The following NOVA1 variants were observed in gnomAD, a reference collection of about 807,000 sequenced individuals.
NOVA1 encodes the protein RNA-binding protein Nova-1.
Under a neutral mutation model 38.0 loss-of-function variants are expected in NOVA1, and 7 were observed. The ratio of observed to expected loss-of-function variants is 0.18; its 90% CI spans 0.10 to 0.35. The LOEUF (loss-of-function observed/expected upper bound fraction) is 0.35, where lower values mean the gene tolerates loss of function less well. NOVA1 is among the 10% of genes least tolerant of loss of function. The pLI, the probability that NOVA1 is intolerant of heterozygous loss-of-function variation, is 1.00. For synonymous variants in NOVA1, 270 were observed against 232.5 expected, an observed-to-expected ratio of 1.16 and a Z score of -1.47; for missense variants, 460 against 616.0, an observed-to-expected ratio of 0.75 and a Z score of 2.68.
chr14:26,587,948 C>T (rs1305277310), intron 2 of NOVA1, among the ~76,000 whole-genome samples: 1 of 150,996 alleles, frequency 6.6e-6, no homozygotes, highest in East Asian at 1.9e-4. Flanking sequence ...TAAATGAAGA[C>T]AATCTTCTTT....
At chr14:26,563,657 T>C (rs533849398) in intron 2 of NOVA1, among the ~76,000 whole-genome samples, 1 of 152,158 alleles carries the variant, frequency 6.6e-6, no homozygotes, top group South Asian at 2.1e-4. Context: ...AATGTGAGAA[T>C]GATGACATAT....
intron 1 of NOVA1, chr14:26,596,812 C>G (rs1332366045): frequency 8.7e-7 from 1 of 1,151,192 alleles, no homozygotes; most frequent in African/African-American, 1.6e-5. Flanking sequence ...CTACTTGTGG[C>G]CCAAAGCAAG....
chr14:26,443,420 C>A lies in NOVA1; in HGVS notation c.*4539G>T, dbSNP rs1298193960. The A allele has an allele frequency of 6.6e-6, 1 of 151,900 alleles. No individual in the cohort carries two copies. The allele number at this position is 151,900 out of a possible 1,614,324, so 9.4% of individuals were successfully genotyped here. The stretch of plus-strand genomic sequence containing the variant: ...ATCTGATTTGATGTACTTTATTATA[C>A]AAGGTAATGCTTCAATTTTCAAGAA... On this transcript the variant is annotated 3_prime_UTR_variant, in exon 5 of 5. Coordinates refer to ENST00000539517, the MANE Select transcript of NOVA1 (RefSeq NM_002515.3).
intron 3 of NOVA1, among the ~76,000 whole-genome samples, chr14:26,473,435 A>G (rs1178890114): frequency 6.6e-6 from 1 of 151,924 alleles, no homozygotes; most frequent in African/African-American, 2.4e-5. Context: ...ACACTTGTAT[A>G]TGGACATTAT....
At chr14:26,464,310 A>T (rs921414584) in intron 4 of NOVA1, among the ~76,000 whole-genome samples, 3 of 152,152 alleles carry the variant, frequency 2.0e-5, no homozygotes, top group African/African-American at 7.2e-5. Flanking sequence ...AGATATCTTT[A>T]GATATACAAA....
chr14:26,546,276 G>T (rs952139489), intron 2 of NOVA1, among the ~76,000 whole-genome samples: 2 of 152,132 alleles, frequency 1.3e-5, no homozygotes, highest in Admixed American at 1.3e-4. Context: ...AGGATAAAAA[G>T]AATTGTCCAC....
intron 4 of NOVA1, among the ~76,000 whole-genome samples, chr14:26,453,736 A>C (rs2138576994): frequency 6.6e-6 from 1 of 152,326 alleles, no homozygotes; most frequent in South Asian, 2.1e-4. Context: ...TTTCTTCATT[A>C]TCATGGCAGA....
At chr14:26,465,626 A>G (rs61990560) in intron 4 of NOVA1, among the ~76,000 whole-genome samples, 4 of 152,280 alleles carry the variant, frequency 2.6e-5, no homozygotes, top group South Asian at 2.1e-4. Context: ...TCATTCAACT[A>G]TAAGTATTCT....
intron 2 of NOVA1, among the ~76,000 whole-genome samples, chr14:26,490,910 C>T (rs192350637): frequency 0.015 from 1,994 of 137,478 alleles, 39 homozygotes; most frequent in African/African-American, 0.05. Flanking sequence ...AGTGCAGTGG[C>T]GCAATCTCGG....
chr14:26,478,127 C>T (rs937455899), intron 3 of NOVA1, among the ~76,000 whole-genome samples: 35 of 151,694 alleles, frequency 2.3e-4, no homozygotes, highest in African/African-American at 8.5e-4. Flanking sequence ...AGTTAAATAA[C>T]ATCCAAAAAG....
chr14:26,499,414 A>T (rs920426721), intron 2 of NOVA1, among the ~76,000 whole-genome samples: 2 of 152,150 alleles, frequency 1.3e-5, no homozygotes, highest in Non-Finnish European at 2.9e-5. Context: ...TGATGCAGCA[A>T]ATTGGTTTTC....
chr14:26,484,689 T>C lies in NOVA1; in HGVS notation c.281-4546A>G, dbSNP rs143816676. 4.8e-4 allele frequency among the ~76,000 whole-genome samples: 73 copies of C among 152,224 alleles called. No individual in the cohort carries two copies. In the Middle Eastern group the frequency reaches 0.01, roughly 21 times the overall value. Reference sequence around the variant, plus strand: ...TTGAATCTAGTAGATTCTACAACTCTACTGAAAGCATTCATCACAGCTGTA... The same window carrying C: ...TTGAATCTAGTAGATTCTACAACTCCACTGAAAGCATTCATCACAGCTGTA... On this transcript the variant is annotated intron_variant, in intron 2 of 4. Coordinates refer to ENST00000539517, the MANE Select transcript of NOVA1 (RefSeq NM_002515.3).
Position 26,506,278 on chromosome 14 carries a change from G to C in NOVA1, c.281-26135C>G, listed in dbSNP as rs116995688. On this transcript the variant is annotated intron_variant, in intron 2 of 4. Transcript: ENST00000539517. Reference sequence around the variant, plus strand: ...AGAATTTATAGAATTTTAAAATTAGGCTAGGTAATCTTCCAGGGCGTAAAA... The same window carrying C: ...AGAATTTATAGAATTTTAAAATTAGCCTAGGTAATCTTCCAGGGCGTAAAA... Among the ~76,000 whole-genome samples, 17 of 152,240 alleles carry C rather than the reference G, an allele frequency of 1.1e-4. No individual in the cohort carries two copies. In the East Asian group the frequency reaches 3.3e-3, roughly 29 times the overall value.
intron 2 of NOVA1, among the ~76,000 whole-genome samples, chr14:26,556,764 T>C (rs762528851): frequency 2.0e-5 from 3 of 152,012 alleles, no homozygotes; most frequent in Admixed American, 6.6e-5. Context: ...GTATCTAAAA[T>C]ATCAAAAAAG....
intron 2 of NOVA1, among the ~76,000 whole-genome samples, chr14:26,508,274 T>C (rs1036055955): frequency 2.0e-5 from 3 of 152,038 alleles, no homozygotes; most frequent in African/African-American, 7.2e-5. Context: ...AAAATGTTCT[T>C]ATAGAATTAG....
chr14:26,563,415 C>T (rs1212258078), intron 2 of NOVA1, among the ~76,000 whole-genome samples: 1 of 147,692 alleles, frequency 6.8e-6, no homozygotes, highest in Non-Finnish European at 1.5e-5. Flanking sequence ...ATAACTGAAA[C>T]ATTCAATGAA....
chr14:26,482,454 T>A (rs1249350397), intron 2 of NOVA1, among the ~76,000 whole-genome samples: 1 of 152,100 alleles, frequency 6.6e-6, no homozygotes, highest in African/African-American at 2.4e-5. Context: ...AAAGGGAGAC[T>A]GTCAGGTGTA....
At chr14:26,470,239 C>T (rs1325001487) in intron 4 of NOVA1, 17 of 1,143,568 alleles carry the variant, frequency 1.5e-5, no homozygotes, top group East Asian at 1.3e-4. Flanking sequence ...TATATACTTC[C>T]AGATATAAGT....
intron 2 of NOVA1, among the ~76,000 whole-genome samples, chr14:26,587,650 C>G (rs772823866): frequency 1.3e-4 from 20 of 151,252 alleles, no homozygotes; most frequent in Non-Finnish European, 2.7e-4. Context: ...TGAATGAGCT[C>G]TACCAGTAAG....
Sources: gnomAD v4.1 joint callset for allele counts (sites outside exome capture counted in the v4.1 genomes callset) on GRCh38, gnomAD v4.1.1 for gene constraint, MANE v1.5 for transcripts, NCBI Gene and HGNC (gene_info 2026-07-23, HGNC 2026-07-21) for gene names.